Variants in RHBDD1 observed in about 807,000 individuals in gnomAD.
RHBDD1 encodes the protein rhomboid-related protein 4.
In RHBDD1, 38 loss-of-function variants were observed where a neutral mutation model predicts 36.3. The ratio of observed to expected loss-of-function variants is 1.05; its 90% CI spans 0.81 to 1.37. The LOEUF (loss-of-function observed/expected upper bound fraction) is 1.37. Among genes scored for constraint, RHBDD1 ranks in the 40% most tolerant of loss-of-function variants. The pLI is 0.00. For missense variants in RHBDD1, 393 were observed against 377.6 expected, an observed-to-expected ratio of 1.04 and a Z score of -0.34; for synonymous variants, 151 against 136.5, an observed-to-expected ratio of 1.11 and a Z score of -0.74.
At chr2:226,814,333 A>T in the RHBDD1 span, among the ~76,000 whole-genome samples, 1 of 152,170 alleles carries the variant, frequency 6.6e-6, no homozygotes, top group African/African-American at 2.4e-5. Context: ...AGCATCTAGT[A>T]TCACACTTGG....
upstream of RHBDD1, chr2:226,835,865 C>T (rs574543320): frequency 6.6e-6 from 1 of 152,504 alleles, no homozygotes. Flanking sequence ...TCCTGCCCCG[C>T]TGTGCCCTCG....
the RHBDD1 span, among the ~76,000 whole-genome samples, chr2:226,813,226 A>T: frequency 6.6e-5 from 10 of 152,196 alleles, no homozygotes; most frequent in African/African-American, 2.4e-4. Context: ...CACAAGAAAA[A>T]CTTCTCCTTT....
chr2:226,857,921 T>G (rs1553545281), intron 3 of RHBDD1, among the ~76,000 whole-genome samples: 1 of 152,206 alleles, frequency 6.6e-6, no homozygotes, highest in Non-Finnish European at 1.5e-5. Flanking sequence ...TTTTATGGTA[T>G]GTGAGTTATA....
chr2:226,856,053 CTA>C lies in RHBDD1; in HGVS notation c.-90-8550_-90-8549del, dbSNP rs1183699329. Among the ~76,000 whole-genome samples, 8 of 152,250 alleles carry C rather than the reference CTA, an allele frequency of 5.3e-5. No homozygotes were observed. The East Asian group carries it at 1.5e-3, about 29-fold the overall frequency. ...ACTAGTCATCAAATAATTATGCTGT[CTA>C]ACTAAGATTCCACACTATACCCCCA... is the stretch of plus-strand genomic sequence containing the variant. On this transcript the variant is annotated intron_variant, in intron 3 of 8. Coordinates refer to ENST00000392062, the MANE Select transcript of RHBDD1 (RefSeq NM_001167608.3).
chr2:226,987,737 G>A (rs527858979), intron 8 of RHBDD1, among the ~76,000 whole-genome samples: 1 of 152,330 alleles, frequency 6.6e-6, no homozygotes, highest in African/African-American at 2.4e-5. Context: ...TCTGGTTGAA[G>A]TGAATTCATT....
intron 3 of RHBDD1, among the ~76,000 whole-genome samples, chr2:226,861,941 G>T (rs368853595): frequency 6.6e-6 from 1 of 152,098 alleles, no homozygotes; most frequent in Non-Finnish European, 1.5e-5. Flanking sequence ...TATAGAAACG[G>T]GTTGTGCTAA....
At chr2:226,818,152 A>AT in the RHBDD1 span, among the ~76,000 whole-genome samples, 7,577 of 86,284 alleles carry the variant, frequency 0.088, 598 homozygotes, top group Non-Finnish European at 0.12. Context: ...TCCAAACAGT[A>AT]TTTTTTTTTT....
intron 5 of RHBDD1, among the ~76,000 whole-genome samples, chr2:226,879,750 A>T (rs943599129): frequency 1.3e-5 from 2 of 152,200 alleles, no homozygotes; most frequent in Admixed American, 6.5e-5. Context: ...AGTCCATATA[A>T]ATAAGCAAGT....
upstream of RHBDD1, among the ~76,000 whole-genome samples, chr2:226,832,531 G>T (rs1443076307): frequency 2.0e-5 from 3 of 152,080 alleles, no homozygotes; most frequent in Non-Finnish European, 4.4e-5. Flanking sequence ...TTTTCTGCCT[G>T]GTTGTTCTAC....
At chr2:226,838,616 A>G (rs888077758) in intron 2 of RHBDD1, among the ~76,000 whole-genome samples, 11 of 152,200 alleles carry the variant, frequency 7.2e-5, no homozygotes, top group Admixed American at 7.2e-4. Flanking sequence ...TGTGTCGGAC[A>G]AAGGGAAAAA....
intron 8 of RHBDD1, among the ~76,000 whole-genome samples, chr2:226,956,888 CA>C (rs1451792827): frequency 6.6e-6 from 1 of 152,190 alleles, no homozygotes; most frequent in Non-Finnish European, 1.5e-5. Flanking sequence ...AAGGCCAAAT[CA>C]GCCCTTATTG....
chr2:226,813,352 T>C, the RHBDD1 span, among the ~76,000 whole-genome samples: 12 of 152,200 alleles, frequency 7.9e-5, 1 homozygote, highest in Admixed American at 6.5e-4. Context: ...GTGGGAGCCA[T>C]TGAATCAGGA....
chr2:226,970,154 A>C (rs1953175417), intron 8 of RHBDD1, among the ~76,000 whole-genome samples: 1 of 151,996 alleles, frequency 6.6e-6, no homozygotes, highest in Admixed American at 6.5e-5. Context: ...CCTAGGATAT[A>C]CTTCTGCACT....
intron 5 of RHBDD1, 49 bp from the exon 6 acceptor site, chr2:226,906,744 C>G: frequency 6.2e-7 from 1 of 1,613,704 alleles, no homozygotes; most frequent in Non-Finnish European, 8.5e-7. Context: ...CAGAATGTCT[C>G]TAATCAGCAG....
intron 8 of RHBDD1, among the ~76,000 whole-genome samples, chr2:226,919,424 A>G (rs1344257072): frequency 6.6e-6 from 1 of 152,028 alleles, no homozygotes; most frequent in Admixed American, 6.6e-5. Flanking sequence ...AGATTCCCCA[A>G]CATTTTCTTT....
intron 8 of RHBDD1, among the ~76,000 whole-genome samples, chr2:226,954,617 AAG>A (rs768639811): frequency 6.6e-6 from 1 of 152,138 alleles, no homozygotes; most frequent in African/African-American, 2.4e-5. Flanking sequence ...AATAAAGAAA[AAG>A]AGAGAAAGAG....
intron 3 of RHBDD1, among the ~76,000 whole-genome samples, chr2:226,860,871 C>T (rs76918922): frequency 0.028 from 4,232 of 152,312 alleles, 82 homozygotes; most frequent in Non-Finnish European, 0.043. Flanking sequence ...CACAATTTTA[C>T]TTCTCTTTTG....
intron 5 of RHBDD1, among the ~76,000 whole-genome samples, chr2:226,883,982 C>T (rs1377883631): frequency 1.3e-5 from 2 of 152,042 alleles, no homozygotes; most frequent in Non-Finnish European, 2.9e-5. Flanking sequence ...ATGTATTTCC[C>T]TTTGGAGTGT....
chr2:226,910,139 C>G (rs1206654059), intron 7 of RHBDD1, among the ~76,000 whole-genome samples: 1 of 152,160 alleles, frequency 6.6e-6, no homozygotes, highest in Non-Finnish European at 1.5e-5. Context: ...CAAAATAGGG[C>G]AGTTCTACTT....
Sources: gnomAD v4.1 joint callset for allele counts (sites outside exome capture counted in the v4.1 genomes callset) on GRCh38, gnomAD v4.1.1 for gene constraint, MANE v1.5 for transcripts, NCBI Gene and HGNC (gene_info 2026-07-23, HGNC 2026-07-21) for gene names.